EIF1AX: variants seen among roughly 807,000 people sequenced by gnomAD.
EIF1AX encodes the protein eukaryotic translation initiation factor 1A, X-chromosomal.
In EIF1AX, 1 loss-of-function variant was observed where a neutral mutation model predicts 16.1. That is an observed-to-expected ratio of 0.06 (90% confidence interval 0.02 to 0.30). EIF1AX has a LOEUF of 0.30. EIF1AX is among the 10% of genes least tolerant of loss of function. The pLI, the probability that EIF1AX is intolerant of heterozygous loss-of-function variation, is 1.00. For missense variants in EIF1AX, 11 were observed against 109.1 expected (o/e 0.10, Z 4.00); for synonymous variants, 32 against 37.3 (o/e 0.86, Z 0.51).
chrX:20,129,355 C>T (rs1191353382), intron 6 of EIF1AX, among the ~76,000 whole-genome samples: 1 of 111,448 alleles, frequency 9.0e-6, no homozygotes, highest in Non-Finnish European at 1.9e-5. Flanking sequence ...CTCAGGTGAT[C>T]CTCCCCTATC....
intron 2 of EIF1AX, among the ~76,000 whole-genome samples, chrX:20,137,457 T>A (rs1017963419): frequency 9.1e-6 from 1 of 110,475 alleles, no homozygotes; most frequent in Non-Finnish European, 1.9e-5. Flanking sequence ...AAAAAAAAAT[T>A]AAAAAATCCC....
chrX:20,141,618 G>A lies in EIF1AX; in HGVS notation c.16+7C>T. ...GAGCCGTGGTCCGGGGGTCCGGGCG[G>A]CATTACCTTTATTCTTGGGCATGGC... is the stretch of plus-strand genomic sequence containing the variant. On this transcript the variant is annotated splice_region_variant and intron_variant, in intron 1 of 6. Transcript: ENST00000379607. 1.7e-6 allele frequency: 2 copies of A among 1,156,093 alleles called. 1 individual carries two copies. The highest frequency in any genetic ancestry group is 6.8e-5 in the East Asian group (2 of 29,553).
chrX:20,138,883 GT>G (rs1569174810), intron 1 of EIF1AX, among the ~76,000 whole-genome samples: 1 of 111,860 alleles, frequency 8.9e-6, no homozygotes, highest in Non-Finnish European at 1.9e-5. Context: ...CAGATATTAT[GT>G]TAAAAAATAT....
At chrX:20,133,551 C>G (rs1477736971) in intron 4 of EIF1AX, among the ~76,000 whole-genome samples, 1 of 108,200 alleles carries the variant, frequency 9.2e-6, no homozygotes, top group African/African-American at 3.4e-5. Context: ...CGAGGCTATA[C>G]AAATAGAGAT....
chrX:20,128,813 A>T (rs2066992753), intron 6 of EIF1AX, among the ~76,000 whole-genome samples: 1 of 111,683 alleles, frequency 9.0e-6, no homozygotes, highest in East Asian at 2.8e-4. Flanking sequence ...AGTTCTGAGG[A>T]GGCGTTGGCC....
chrX:20,138,469 A>G (rs1354634102), intron 2 of EIF1AX, 70 bp downstream of exon 2: 1 of 931,983 alleles, frequency 1.1e-6, no homozygotes, highest in Non-Finnish European at 1.6e-6. Flanking sequence ...CGCTGTCTCA[A>G]AAAAATAAAG....
intron 2 of EIF1AX, among the ~76,000 whole-genome samples, chrX:20,138,310 A>G (rs1259735580): frequency 9.1e-6 from 1 of 109,919 alleles, no homozygotes; most frequent in Admixed American, 9.8e-5. Flanking sequence ...GCCTAAAAAA[A>G]TTTTTAAAAT....
intron 6 of EIF1AX, 51 bp from the exon 7 acceptor site, chrX:20,128,362 AAC>A: frequency 9.2e-7 from 1 of 1,091,401 alleles, no homozygotes; most frequent in East Asian, 3.0e-5. Context: ...CTTATATTCC[AAC>A]AGTCTACTCC....
At chrX:20,140,216 A>G (rs1184993131) in intron 1 of EIF1AX, 1 of 112,259 alleles carries the variant, frequency 8.9e-6, no homozygotes, top group Non-Finnish European at 1.9e-5. Flanking sequence ...ATTATTCACT[A>G]AGGGTGGAGT....
At position 20,141,823 on chromosome X, in the gene EIF1AX, G is replaced by T. The variant is rs971865846; in HGVS notation, c.-183C>A. 1 of 435,419 alleles carries T rather than the reference G, an allele frequency of 2.3e-6. No individual in the cohort carries two copies. The highest frequency in any genetic ancestry group is 3.8e-6 in the Non-Finnish European group (1 of 264,867). The allele number at this position is 435,419 out of a possible 1,213,427, so 35.9% of individuals were successfully genotyped here. A position where few individuals can be genotyped will look rare whatever the true frequency, so the allele number is the denominator to read the frequency against. On this transcript the variant is annotated 5_prime_UTR_variant, in exon 1 of 7. Transcript: ENST00000379607. ...CAGAGATCCGCCTGCGTCCACGCTC[G>T]GCGGCAGCAAATGGCGCCGCGACTC... is the stretch of plus-strand genomic sequence containing the variant.
In EIF1AX at chrX:20,128,309, G is replaced by T; in HGVS notation, c.432C>A (p.Ile144=). Residue 144 remains isoleucine, a splice_region_variant and synonymous_variant, in exon 7 of 7, where the codon ATC becomes ATA. Coordinates refer to ENST00000379607, the MANE Select transcript of EIF1AX (RefSeq NM_001412.4). ...IGDDDEDIDD[I] ...AATGTAAAATGTTGAGTTCAATTTA[G>T]ATCTGGAAGGGAAAAGAACATCAGA... is the stretch of plus-strand genomic sequence containing the variant. 2.5e-6 allele frequency: 3 copies of T among 1,195,102 alleles called. No homozygotes were observed. Among genetic ancestry groups the T allele is most frequent in the Non-Finnish European group, 3.4e-6 (3 of 884,107 alleles).
chrX:20,126,276 A>G lies in EIF1AX; in HGVS notation c.*2030T>C, dbSNP rs1322322189. 8 of 136,430 alleles carry G rather than the reference A, an allele frequency of 5.9e-5. No individual in the cohort carries two copies. The highest frequency in any genetic ancestry group is 2.8e-3 in the Middle Eastern group (1 of 355). 11.2% of individuals were successfully genotyped at this position (136,430 alleles called of 1,213,427 possible). A position where few individuals can be genotyped will look rare whatever the true frequency, so the allele number is the denominator to read the frequency against. The stretch of plus-strand genomic sequence containing the variant: ...AAACTATACAATTTCCACATTAAAT[A>G]CAAATTAGTAGAAGAATTCCTCCAA... On this transcript the variant is annotated 3_prime_UTR_variant, in exon 7 of 7. Coordinates refer to ENST00000379607, the MANE Select transcript of EIF1AX (RefSeq NM_001412.4).
chrX:20,134,684 G>A, intron 3 of EIF1AX, among the ~76,000 whole-genome samples: 1 of 110,560 alleles, frequency 9.0e-6, no homozygotes, highest in Non-Finnish European at 1.9e-5. Flanking sequence ...ATTGCACTGA[G>A]CCAAGATTGT....
At chrX:20,136,250 CCA>C (rs2067016568) in intron 2 of EIF1AX, 2 of 354,770 alleles carry the variant, frequency 5.6e-6, no homozygotes, top group Non-Finnish European at 5.5e-6. Context: ...CACACACCCC[CCA>C]CACACACACC....
At chrX:20,140,483 C>T (rs778397987) in intron 1 of EIF1AX, 1 of 112,119 alleles carries the variant, frequency 8.9e-6, no homozygotes, top group South Asian at 3.7e-4. Flanking sequence ...TTTATAACTC[C>T]ATCTTTTCCA....
intron 5 of EIF1AX, 125 bp downstream of exon 5, chrX:20,132,057 G>A (rs1190414024): frequency 2.4e-6 from 1 of 408,558 alleles, no homozygotes; most frequent in African/African-American, 2.6e-5. Flanking sequence ...AGCATAGGCA[G>A]GCATACTTAA....
intron 2 of EIF1AX, chrX:20,136,186 T>C (rs2067016222): frequency 6.5e-6 from 2 of 306,867 alleles, no homozygotes; most frequent in Middle Eastern, 5.7e-4. Flanking sequence ...TCACCCCCAA[T>C]CTCATTCATT....
Position 20,126,532 on chromosome X carries a change from G to A in EIF1AX, c.*1774C>T, listed in dbSNP as rs919249605. On this transcript the variant is annotated 3_prime_UTR_variant, in exon 7 of 7. Transcript: ENST00000379607. ...TGTTTGAGCTGTGCTATTCCTACCA[G>A]GAACTATATCAAATATGCAAAGTTC... The A allele has an allele frequency of 7.2e-6, 1 of 138,951 alleles. No individual in the cohort carries two copies. Among genetic ancestry groups the A allele is most frequent in the African/African-American group, 3.3e-5 (1 of 30,652 alleles). The allele number at this position is 138,951 out of a possible 1,213,427, so 11.5% of individuals were successfully genotyped here. A position where few individuals can be genotyped will look rare whatever the true frequency, so the allele number is the denominator to read the frequency against.
intron 1 of EIF1AX, chrX:20,140,452 G>GT (rs1460381598): frequency 8.9e-6 from 1 of 112,230 alleles, no homozygotes; most frequent in African/African-American, 3.2e-5. Context: ...GAAGAAAACT[G>GT]TAAGACTTTA....
Sources: gnomAD v4.1 joint callset for allele counts (sites outside exome capture counted in the v4.1 genomes callset) on GRCh38, gnomAD v4.1.1 for gene constraint, MANE v1.5 for transcripts, NCBI Gene and HGNC (gene_info 2026-07-23, HGNC 2026-07-21) for gene names.